Variants in THSD4 observed in about 807,000 individuals in gnomAD.
THSD4 encodes thrombospondin type-1 domain-containing protein 4.
THSD4 carries 69 observed loss-of-function variants against 119.0 expected under a neutral mutation model. The ratio of observed to expected loss-of-function variants is 0.58; its 90% CI spans 0.48 to 0.71. The LOEUF (loss-of-function observed/expected upper bound fraction) is 0.71, where lower values mean the gene tolerates loss of function less well. Ranked by LOEUF, THSD4 falls within the 30% of genes least tolerant of loss-of-function variation. The probability of loss-of-function intolerance (pLI) is 0.00; values close to 1 mark genes in which losing one functional copy is unlikely to be tolerated. For missense variants in THSD4, 1,393 were observed against 1,391.1 expected, an observed-to-expected ratio of 1.00 and a Z score of -0.02; for synonymous variants, 524 against 540.4, an observed-to-expected ratio of 0.97 and a Z score of 0.42.
chr15:71,727,575 TATATATATATATACACACACAC>T (rs1268242698), intron 8 of THSD4, among the ~76,000 whole-genome samples: 5,314 of 36,822 alleles, frequency 0.14, 279 homozygotes, highest in African/African-American at 0.27. Context: ...TATATATATA[TATATATATATATACACACACAC>T]ACACACACAC....
At chr15:71,526,600 C>G (rs7162824) in intron 7 of THSD4, among the ~76,000 whole-genome samples, 9,918 of 152,194 alleles carry the variant, frequency 0.065, 1,040 homozygotes, top group African/African-American at 0.22. Context: ...TGTTGACTCT[C>G]TCTTGGCATG....
chr15:71,340,603 C>CTTT (rs780712768), intron 6 of THSD4, among the ~76,000 whole-genome samples: 2,222 of 115,162 alleles, frequency 0.019, 113 homozygotes, highest in African/African-American at 0.072. Flanking sequence ...CATCCAGAGA[C>CTTT]TTTTTTTTTT....
rs549322826 is a variant in THSD4, at chr15:71,731,203, C to T, written c.1616C>T (p.Pro539Leu). 5.2e-4 allele frequency: 846 copies of T among 1,614,130 alleles called. 13 individuals are homozygous for T. In the South Asian group the frequency reaches 8.8e-3, roughly 17 times the overall value. ...GTNAISPQVP[P>L]HRRPGEPFNG... ...AACGCCATCAGCCCCCAGGTGCCAC[C>T]CCACAGGAGACCAGGTAGAATCCCT... The change falls in exon 10 of 18, where the codon CCC (proline) becomes CTC (leucine). Residue 539 changes from proline (P) to leucine (L), a missense_variant. Coordinates refer to ENST00000261862, the MANE Select transcript of THSD4 (RefSeq NM_024817.3).
rs957292913 is a variant in THSD4 at position 71,122,065 on chromosome 15, T to C, written c.-80+6367T>C. 1.4e-4 allele frequency among the ~76,000 whole-genome samples: 22 copies of C among 152,216 alleles called. No homozygotes were observed. The Middle Eastern group carries it at 0.014, about 94-fold the overall frequency. ...GGGCGTGTAGTGACAGTATAGCCTT[T>C]AGTTCCATTTAGTTTCTTTTCCAGA... On this transcript the variant is annotated intron_variant, in intron 1 of 17. Coordinates refer to ENST00000261862, the MANE Select transcript of THSD4 (RefSeq NM_024817.3).
intron 15 of THSD4, among the ~76,000 whole-genome samples, chr15:71,760,087 C>T (rs1329778763): frequency 6.6e-6 from 1 of 152,176 alleles, no homozygotes; most frequent in East Asian, 1.9e-4. Context: ...AATAAATGTT[C>T]CTTCTCACCA....
chr15:71,624,931 G>T (rs531378752), intron 7 of THSD4, among the ~76,000 whole-genome samples: 1 of 152,294 alleles, frequency 6.6e-6, no homozygotes, highest in East Asian at 1.9e-4. Flanking sequence ...ATTCCTGGTG[G>T]CTGGGATGGG....
rs200298240 is a variant in THSD4, at chr15:71,782,253, G to GT, written c.*4879_*4880insT. On this transcript the variant is annotated 3_prime_UTR_variant, in exon 18 of 18. Transcript: ENST00000261862. ...TTCATTTCAGCAGATAATGATGGAGGGGGGGGGTGTCCATCGTGCTGAGGG... is the reference window on the plus strand; with the variant it reads ...TTCATTTCAGCAGATAATGATGGAGGTGGGGGGGTGTCCATCGTGCTGAGGG... 1.6e-4 allele frequency: 24 copies of GT among 151,576 alleles called. No homozygotes were observed. The highest frequency in any genetic ancestry group is 2.8e-4 in the Non-Finnish European group (19 of 67,816). The allele number at this position is 151,576 out of a possible 1,614,324, so 9.4% of individuals were successfully genotyped here.
chr15:71,180,151 AAC>A (rs1268313080), intron 3 of THSD4, among the ~76,000 whole-genome samples: 3 of 66,054 alleles, frequency 4.5e-5, no homozygotes, highest in Admixed American at 2.5e-4. Flanking sequence ...ATAAAAAAAA[AAC>A]ATTAAAAAAA....
At position 71,257,036 on chromosome 15, in the gene THSD4, T is replaced by A. The variant is rs140026477; in HGVS notation, c.1015+321T>A. ...GAGAAGAGGTTCAAACATAAAGTTGTGAGCCGTGAGTGCAGATGGAGTTTC... is the reference window on the plus strand; with the variant it reads ...GAGAAGAGGTTCAAACATAAAGTTGAGAGCCGTGAGTGCAGATGGAGTTTC... On this transcript the variant is annotated intron_variant, in intron 6 of 17. Coordinates refer to ENST00000261862, the MANE Select transcript of THSD4 (RefSeq NM_024817.3). Among the ~76,000 whole-genome samples the A allele has an allele frequency of 4.4e-3, 665 of 152,318 alleles. 20 individuals carry two copies. The highest frequency in any genetic ancestry group is 1.5e-3 in the Non-Finnish European group (104 of 68,028).
chr15:71,445,534 C>A (rs1250849016), intron 7 of THSD4, among the ~76,000 whole-genome samples: 1 of 152,160 alleles, frequency 6.6e-6, no homozygotes, highest in East Asian at 1.9e-4. Flanking sequence ...CCTGGATATC[C>A]CCTCATCTCA....
chr15:71,199,920 T>TGTGGTGCATGTGTGGG (rs2043785882), intron 3 of THSD4, among the ~76,000 whole-genome samples: 2 of 113,882 alleles, frequency 1.8e-5, no homozygotes, highest in Non-Finnish European at 4.0e-5. Context: ...GTGTGGGGTG[T>TGTGGTGCATGTGTGGG]GTGTGTGTGT....
chr15:71,445,621 G>A (rs957104143), intron 7 of THSD4, among the ~76,000 whole-genome samples: 2 of 152,204 alleles, frequency 1.3e-5, no homozygotes, highest in Admixed American at 1.3e-4. Flanking sequence ...CATCTTGATT[G>A]ACAGGAGGTT....
intron 7 of THSD4, among the ~76,000 whole-genome samples, chr15:71,551,632 A>C (rs1028011641): frequency 4.6e-5 from 7 of 152,330 alleles, no homozygotes; most frequent in Middle Eastern, 3.4e-3. Flanking sequence ...GGGGGAAACG[A>C]GATGGAAGCT....
intron 6 of THSD4, among the ~76,000 whole-genome samples, chr15:71,278,126 C>T (rs1416150764): frequency 1.3e-5 from 2 of 152,172 alleles, no homozygotes; most frequent in African/African-American, 2.4e-5. Flanking sequence ...AGAAATAAAA[C>T]AGGGAGAAGT....
intron 7 of THSD4, among the ~76,000 whole-genome samples, chr15:71,430,193 A>T (rs1206820967): frequency 6.6e-6 from 1 of 152,138 alleles, no homozygotes. Context: ...TCAGAAGGGT[A>T]GGAGAAAAAC....
At chr15:71,307,227 C>A (rs1054233802) in intron 6 of THSD4, among the ~76,000 whole-genome samples, 1 of 152,144 alleles carries the variant, frequency 6.6e-6, no homozygotes, top group African/African-American at 2.4e-5. Context: ...AGTAAATATG[C>A]CCAGGTCCTC....
chr15:71,463,173 T>C (rs1374984938), intron 7 of THSD4, among the ~76,000 whole-genome samples: 1 of 152,240 alleles, frequency 6.6e-6, no homozygotes, highest in Non-Finnish European at 1.5e-5. Flanking sequence ...CAGCTCATTT[T>C]TCCAGCCCAT....
intron 14 of THSD4, among the ~76,000 whole-genome samples, chr15:71,755,830 C>T (rs890843216): frequency 6.6e-6 from 1 of 151,100 alleles, no homozygotes; most frequent in East Asian, 1.9e-4. Flanking sequence ...ATTGGACACT[C>T]AAGATAGTCT....
chr15:71,215,450 G>T, intron 4 of THSD4, 51 bp downstream of exon 4: 1 of 1,455,808 alleles, frequency 6.9e-7, no homozygotes, highest in Non-Finnish European at 9.1e-7. Context: ...CCCAGTATCT[G>T]CCCCTGTCCC....
Sources: allele counts gnomAD v4.1 joint callset (sites outside exome capture counted in the v4.1 genomes callset), GRCh38; gene constraint gnomAD v4.1.1; transcripts MANE v1.5; gene names NCBI Gene and HGNC (gene_info 2026-07-23, HGNC 2026-07-21).